CPNE8: variants seen among roughly 807,000 people sequenced by gnomAD.
The protein encoded by CPNE8 is copine 8, also known as copine-8.
In CPNE8, 45 loss-of-function variants were observed where a neutral mutation model predicts 81.5. The ratio of observed to expected loss-of-function variants is 0.55; its 90% CI spans 0.44 to 0.71. The LOEUF (loss-of-function observed/expected upper bound fraction) is 0.71, where lower values mean the gene tolerates loss of function less well. CPNE8 is among the 30% of genes least tolerant of loss of function. CPNE8 has a pLI of 0.00. For synonymous variants in CPNE8, 252 were observed against 226.3 expected (o/e 1.11, Z -1.02); for missense variants, 594 against 672.1 (o/e 0.88, Z 1.28).
At chr12:38,776,077 C>T (rs552633855) in intron 7 of CPNE8, among the ~76,000 whole-genome samples, 161 bp downstream of exon 7, 1 of 152,136 alleles carries the variant, frequency 6.6e-6, no homozygotes, top group African/African-American at 2.4e-5. Flanking sequence ...AATACAGTCT[C>T]TCTGGTCATA....
chr12:38,733,571 T>C (rs1417170220), intron 10 of CPNE8, among the ~76,000 whole-genome samples: 2 of 151,488 alleles, frequency 1.3e-5, no homozygotes, highest in Non-Finnish European at 2.9e-5. Flanking sequence ...ACTAAAATAA[T>C]TATTCTATGT....
chr12:38,698,028 CAAT>C (rs1347496097), intron 14 of CPNE8, among the ~76,000 whole-genome samples: 11 of 152,284 alleles, frequency 7.2e-5, no homozygotes, highest in Admixed American at 5.9e-4. Flanking sequence ...CAATCACCAA[CAAT>C]GTTATGAGGA....
At chr12:38,661,004 T>C (rs1004615940) in intron 19 of CPNE8, among the ~76,000 whole-genome samples, 1 of 152,232 alleles carries the variant, frequency 6.6e-6, no homozygotes, top group Non-Finnish European at 1.5e-5. Flanking sequence ...TTTTACACTG[T>C]TGGTGGGAGT....
intron 7 of CPNE8, among the ~76,000 whole-genome samples, chr12:38,772,517 T>C (rs1315840160): frequency 6.6e-6 from 1 of 152,110 alleles, no homozygotes; most frequent in African/African-American, 2.4e-5. Context: ...ATATGAAAGG[T>C]GCTCAACATC....
At chr12:38,893,520 A>C (rs144114005) in intron 1 of CPNE8, among the ~76,000 whole-genome samples, 2,225 of 152,350 alleles carry the variant, frequency 0.015, 32 homozygotes, top group African/African-American at 0.05. Flanking sequence ...TTTAGCATAT[A>C]ATCAAGAAAT....
chr12:38,819,628 G>A (rs1276496971), intron 6 of CPNE8, among the ~76,000 whole-genome samples: 3 of 151,848 alleles, frequency 2.0e-5, no homozygotes, highest in Non-Finnish European at 2.9e-5. Flanking sequence ...TTAGCCGGGC[G>A]TGATGGCGGG....
chr12:38,845,615 T>C (rs909001880), intron 4 of CPNE8, among the ~76,000 whole-genome samples: 1 of 151,994 alleles, frequency 6.6e-6, no homozygotes, highest in Non-Finnish European at 1.5e-5. Flanking sequence ...TATATATATA[T>C]ATAACTCGTG....
intron 10 of CPNE8, among the ~76,000 whole-genome samples, chr12:38,753,277 CCCCG>C (rs1941389906): frequency 6.6e-6 from 1 of 151,922 alleles, no homozygotes; most frequent in East Asian, 1.9e-4. Flanking sequence ...CATGGTGAAA[CCCCG>C]TCTCTAATAA....
intron 6 of CPNE8, among the ~76,000 whole-genome samples, chr12:38,797,027 T>G (rs1005772411): frequency 6.6e-6 from 1 of 151,944 alleles, no homozygotes; most frequent in East Asian, 1.9e-4. Flanking sequence ...CTTGCTTAGG[T>G]AAACAAAGCA....
chr12:38,874,469 A>T lies in CPNE8; in HGVS notation c.139+2T>A. 1 of 1,602,486 alleles carries T rather than the reference A, an allele frequency of 6.2e-7. No individual in the cohort carries two copies. Among genetic ancestry groups the T allele is most frequent in the Non-Finnish European group, 8.5e-7 (1 of 1,171,038 alleles). The stretch of plus-strand genomic sequence containing the variant: ...TTCAAAAGGCAAGCAATACATACTT[A>T]CTTGGATCAGATTTAGAAAATGTGT... On this transcript the variant is annotated splice_donor_variant, in intron 2 of 19. Coordinates refer to ENST00000331366, the MANE Select transcript of CPNE8 (RefSeq NM_153634.3). LOFTEE classifies it high-confidence loss of function.
chr12:38,902,253 GA>G (rs1210479644), intron 1 of CPNE8, among the ~76,000 whole-genome samples: 3 of 54,788 alleles, frequency 5.5e-5, no homozygotes, highest in Non-Finnish European at 9.7e-5. Flanking sequence ...AAGAAAGAAA[GA>G]AAAAAGAAAG....
At chr12:38,724,431 T>C (rs1350435988) in intron 12 of CPNE8, among the ~76,000 whole-genome samples, 2 of 152,096 alleles carry the variant, frequency 1.3e-5, no homozygotes, top group Admixed American at 1.3e-4. Flanking sequence ...TCCCACAGAG[T>C]TGTCAATTTT....
At chr12:38,793,077 A>C (rs938268540) in intron 6 of CPNE8, among the ~76,000 whole-genome samples, 2 of 149,850 alleles carry the variant, frequency 1.3e-5, no homozygotes, top group African/African-American at 4.9e-5. Context: ...AATTACTTCA[A>C]TATAAAAAAG....
At chr12:38,891,989 AG>A (rs1944320430) in intron 1 of CPNE8, among the ~76,000 whole-genome samples, 1 of 152,266 alleles carries the variant, frequency 6.6e-6, no homozygotes, top group Non-Finnish European at 1.5e-5. Flanking sequence ...TAAAACAAAA[AG>A]AATGTACAAG....
chr12:38,783,394 A>C (rs532996346), intron 6 of CPNE8, among the ~76,000 whole-genome samples: 1 of 152,286 alleles, frequency 6.6e-6, no homozygotes, highest in African/African-American at 2.4e-5. Context: ...ATCAGTCTTG[A>C]ATCACCAGTG....
chr12:38,723,222 A>T (rs1386708452), intron 13 of CPNE8, among the ~76,000 whole-genome samples: 1 of 152,192 alleles, frequency 6.6e-6, no homozygotes, highest in Non-Finnish European at 1.5e-5. Context: ...ATGAGGGTGT[A>T]AGAACTTATA....
In CPNE8 at chr12:38,778,905, G is replaced by C. The variant is rs567021280; in HGVS notation, c.408-2604C>G. On this transcript the variant is annotated intron_variant, in intron 6 of 19. Transcript: ENST00000331366. ...CCACCATGTATTTACTCTTAACCAG[G>C]GTCATTGCACATGTCAAGATCTTCC... is the stretch of plus-strand genomic sequence containing the variant. Among the ~76,000 whole-genome samples the C allele has an allele frequency of 2.8e-4, 43 of 152,000 alleles. 1 individual carries two copies. The highest frequency in any genetic ancestry group is 1.0e-3 in the African/African-American group (43 of 41,456).
intron 3 of CPNE8, among the ~76,000 whole-genome samples, chr12:38,856,726 G>C (rs947951496): frequency 6.6e-6 from 1 of 152,022 alleles, no homozygotes. Context: ...ACATTGTTCT[G>C]TACTTCATGT....
intron 6 of CPNE8, among the ~76,000 whole-genome samples, chr12:38,823,785 C>T (rs17126706): frequency 0.074 from 11,252 of 152,146 alleles, 622 homozygotes; most frequent in Admixed American, 0.17. Context: ...TCTTGCATTT[C>T]GGAAGGCTTT....
Sources: gnomAD v4.1 joint callset for allele counts (sites outside exome capture counted in the v4.1 genomes callset) on GRCh38, gnomAD v4.1.1 for gene constraint, MANE v1.5 for transcripts, NCBI Gene and HGNC (gene_info 2026-07-23, HGNC 2026-07-21) for gene names.